The following PCNX1 variants were observed in gnomAD, a reference collection of about 807,000 sequenced individuals.
PCNX1 encodes the protein pecanex-like protein 1.
In PCNX1, 78 loss-of-function variants were observed where a neutral mutation model predicts 242.2. The observed-to-expected ratio is 0.32, with a 90% CI of 0.27 to 0.39. The LOEUF (loss-of-function observed/expected upper bound fraction) is 0.39, where lower values mean the gene tolerates loss of function less well. Ranked by LOEUF, PCNX1 falls within the 10% of genes least tolerant of loss-of-function variation. The pLI is 1.00. For synonymous variants in PCNX1, 1,024 were observed against 1,032.9 expected (o/e 0.99, Z 0.17); for missense variants, 2,581 against 2,856.5 (o/e 0.90, Z 2.20).
chr14:70,982,203 G>T (rs1322804656), intron 6 of PCNX1, among the ~76,000 whole-genome samples: 1 of 152,132 alleles, frequency 6.6e-6, no homozygotes, highest in Non-Finnish European at 1.5e-5. Flanking sequence ...ACAATAAAAT[G>T]CAAATTGTAG....
At chr14:71,023,395 T>C (rs552344653) in intron 13 of PCNX1, among the ~76,000 whole-genome samples, 163 bp downstream of exon 13, 1 of 152,228 alleles carries the variant, frequency 6.6e-6, no homozygotes, top group South Asian at 2.1e-4. Flanking sequence ...ACTAGAAATA[T>C]AGGTGTTTTG....
At chr14:71,095,983 C>T (rs2286308) in intron 30 of PCNX1, among the ~76,000 whole-genome samples, 6,775 of 151,788 alleles carry the variant, frequency 0.045, 273 homozygotes, top group East Asian at 0.25. Flanking sequence ...TGAGGTCACC[C>T]TGGGCAACAT....
At chr14:71,084,044 T>A (rs2061922651) in intron 28 of PCNX1, among the ~76,000 whole-genome samples, 1 of 152,190 alleles carries the variant, frequency 6.6e-6, no homozygotes, top group Non-Finnish European at 1.5e-5. Flanking sequence ...TGTGTGGACA[T>A]CCTTTTGGTT....
At chr14:70,944,552 G>T (rs1765704854) in intron 1 of PCNX1, among the ~76,000 whole-genome samples, 1 of 152,206 alleles carries the variant, frequency 6.6e-6, no homozygotes, top group Non-Finnish European at 1.5e-5. Flanking sequence ...CCTTGTCTGT[G>T]ATAAAACTTT....
chr14:70,983,026 G>A (rs1161604743), intron 6 of PCNX1, among the ~76,000 whole-genome samples: 1 of 152,178 alleles, frequency 6.6e-6, no homozygotes. Flanking sequence ...CAAAGACAGT[G>A]ATGTCTTTCA....
At chr14:70,926,700 G>T (rs928513135) in intron 1 of PCNX1, among the ~76,000 whole-genome samples, 2 of 151,702 alleles carry the variant, frequency 1.3e-5, no homozygotes, top group African/African-American at 4.9e-5. Flanking sequence ...GTTCTCAGTG[G>T]GTGTGGTGTT....
chr14:71,017,465 TAAAG>T (rs974230529), intron 11 of PCNX1, among the ~76,000 whole-genome samples: 9 of 152,044 alleles, frequency 5.9e-5, no homozygotes, highest in African/African-American at 1.9e-4. Flanking sequence ...AAAACAAAAA[TAAAG>T]AACTTGTAGC....
chr14:70,991,474 G>C (rs2059165389), intron 7 of PCNX1, among the ~76,000 whole-genome samples: 1 of 152,132 alleles, frequency 6.6e-6, no homozygotes. Flanking sequence ...AAAGTGCCGG[G>C]ATTACAGGCA....
intron 6 of PCNX1, among the ~76,000 whole-genome samples, chr14:70,984,276 T>C (rs771967613): frequency 6.6e-6 from 1 of 151,612 alleles, no homozygotes; most frequent in Non-Finnish European, 1.5e-5. Context: ...TAAATTTTTA[T>C]TAATTTAATT....
intron 7 of PCNX1, among the ~76,000 whole-genome samples, chr14:70,994,396 G>GATATATATATATGTGTATATATAT (rs2059267360): frequency 1.0e-5 from 1 of 96,972 alleles, no homozygotes; most frequent in Non-Finnish European, 2.2e-5. Flanking sequence ...ACAGGCTTAA[G>GATATATATATATGTGTATATATAT]ATATATATAT....
At chr14:70,943,834 A>T (rs2057359062) in intron 1 of PCNX1, among the ~76,000 whole-genome samples, 1 of 152,198 alleles carries the variant, frequency 6.6e-6, no homozygotes, top group African/African-American at 2.4e-5. Context: ...GGTACCCTGC[A>T]TCCCACCTGT....
At chr14:70,942,162 C>T (rs540948847) in intron 1 of PCNX1, among the ~76,000 whole-genome samples, 6 of 152,124 alleles carry the variant, frequency 3.9e-5, no homozygotes, top group Non-Finnish European at 8.8e-5. Flanking sequence ...GAGGTGAACC[C>T]TGTACCTCAT....
chr14:71,050,500 C>T (rs2060996626), intron 22 of PCNX1, 152 bp from the exon 23 acceptor site: 1 of 596,964 alleles, frequency 1.7e-6, no homozygotes, highest in Non-Finnish European at 2.8e-6. Context: ...GTTGATATAT[C>T]TTTTCCTGTT....
chr14:70,934,492 G>A (rs760839808), intron 1 of PCNX1, among the ~76,000 whole-genome samples: 3 of 152,128 alleles, frequency 2.0e-5, no homozygotes, highest in Non-Finnish European at 2.9e-5. Context: ...ATGTTGCCTA[G>A]GCTGGACTTG....
chr14:71,050,126 A>G (rs2060980616), intron 22 of PCNX1, among the ~76,000 whole-genome samples: 1 of 151,578 alleles, frequency 6.6e-6, no homozygotes, highest in South Asian at 2.1e-4. Flanking sequence ...AAATAAATAT[A>G]TGTATTACTT....
intron 8 of PCNX1, among the ~76,000 whole-genome samples, chr14:71,006,746 G>A (rs1479593312): frequency 6.6e-6 from 1 of 152,106 alleles, no homozygotes; most frequent in Non-Finnish European, 1.5e-5. Flanking sequence ...TTTATTTCTG[G>A]TTGGTTATTT....
intron 22 of PCNX1, 115 bp from the exon 23 acceptor site, chr14:71,050,537 C>T (rs1169565369): frequency 4.7e-6 from 4 of 846,458 alleles, no homozygotes; most frequent in Middle Eastern, 2.5e-4. Flanking sequence ...ATTTCAATGC[C>T]ATTTCCCTAT....
At position 71,045,132 on chromosome 14, in the gene PCNX1, G is replaced by T; in HGVS notation, c.3868-1G>T. 6.4e-7 allele frequency: 1 copy of T among 1,570,214 alleles called. No homozygotes were observed. Among genetic ancestry groups the T allele is most frequent in the Non-Finnish European group, 8.6e-7 (1 of 1,162,486 alleles). Reference sequence around the variant, plus strand: ...TTTATCACTTCTATTATTTTTTTTAGCCTGCCCTCAAGTATGTGTTGTATA... The same window carrying T: ...TTTATCACTTCTATTATTTTTTTTATCCTGCCCTCAAGTATGTGTTGTATA... On this transcript the variant is annotated splice_acceptor_variant, in intron 19 of 35. Coordinates refer to ENST00000304743, the MANE Select transcript of PCNX1 (RefSeq NM_014982.3). LOFTEE classifies it high-confidence loss of function.
intron 26 of PCNX1, among the ~76,000 whole-genome samples, chr14:71,063,740 A>G (rs955386197): frequency 2.6e-5 from 4 of 152,150 alleles, no homozygotes; most frequent in Non-Finnish European, 5.9e-5. Context: ...TTTAAATTTT[A>G]TTTGTCTATC....
Sources: allele counts gnomAD v4.1 joint callset (sites outside exome capture counted in the v4.1 genomes callset), GRCh38; gene constraint gnomAD v4.1.1; transcripts MANE v1.5; gene names NCBI Gene and HGNC (gene_info 2026-07-23, HGNC 2026-07-21).